AKAP19: variants seen among roughly 807,000 people sequenced by gnomAD.
AKAP19 encodes the protein small A-kinase anchoring protein.
At chr2:189,899,321 C>T in the AKAP19 span, among the ~76,000 whole-genome samples, 1 of 152,154 alleles carries the variant, frequency 6.6e-6, no homozygotes, top group African/African-American at 2.4e-5. Flanking sequence ...TGACTCTTAG[C>T]AGTTTGCAAA....
At chr2:189,980,123 C>G in the AKAP19 span, among the ~76,000 whole-genome samples, 1 of 152,106 alleles carries the variant, frequency 6.6e-6, no homozygotes, top group Non-Finnish European at 1.5e-5. Flanking sequence ...GTCTGTTTAT[C>G]ACAGCATTAT....
At chr2:190,174,053 C>T in the AKAP19 span, among the ~76,000 whole-genome samples, 282 of 152,250 alleles carry the variant, frequency 1.9e-3, 1 homozygote, top group Middle Eastern at 6.8e-3. Flanking sequence ...CCTGCCACTC[C>T]GGCTCCTACC....
the AKAP19 span, among the ~76,000 whole-genome samples, chr2:190,097,859 C>CAAAAAAA: frequency 9.0e-4 from 58 of 64,312 alleles, no homozygotes; most frequent in Admixed American, 1.3e-3. Context: ...TGGTTTCTAC[C>CAAAAAAA]AAAAAAAAAA....
the AKAP19 span, chr2:190,200,428 A>C: frequency 3.4e-6 from 1 of 298,496 alleles, no homozygotes; most frequent in Non-Finnish European, 6.7e-6. Context: ...CTTCCTAAGT[A>C]ATGGCATCAC....
the AKAP19 span, among the ~76,000 whole-genome samples, chr2:189,931,339 G>T: frequency 6.6e-6 from 1 of 152,076 alleles, no homozygotes; most frequent in South Asian, 2.1e-4. Context: ...TAGAAAACAG[G>T]AAATTAACTT....
At chr2:189,917,217 T>C in the AKAP19 span, 1 of 984,544 alleles carries the variant, frequency 1.0e-6, no homozygotes, top group Non-Finnish European at 1.5e-6. Flanking sequence ...GTGATCAAAA[T>C]ACTTAACTGT....
chr2:189,942,000 A>T, the AKAP19 span, among the ~76,000 whole-genome samples: 1 of 152,222 alleles, frequency 6.6e-6, no homozygotes, highest in African/African-American at 2.4e-5. Flanking sequence ...AAACCAAAAA[A>T]GAGCAGGGGG....
the AKAP19 span, among the ~76,000 whole-genome samples, chr2:190,001,005 C>G: frequency 2.0e-5 from 3 of 152,030 alleles, no homozygotes; most frequent in Non-Finnish European, 4.4e-5. Context: ...ATTCATTTTT[C>G]TTCAATCCTT....
the AKAP19 span, among the ~76,000 whole-genome samples, chr2:190,197,946 A>G: frequency 2.0e-5 from 3 of 152,178 alleles, no homozygotes; most frequent in Non-Finnish European, 4.4e-5. The surrounding 1 kb of genome is among the most constrained non-coding windows in gnomAD (Gnocchi z 4.0). Context: ...ACCATGTCCA[A>G]TTCCCTTAAC....
chr2:189,930,602 G>T, the AKAP19 span: 1 of 272,720 alleles, frequency 3.7e-6, no homozygotes, highest in East Asian at 9.7e-5. Flanking sequence ...CTTGAACCTG[G>T]GAGGCAGAGG....
chr2:190,076,868 C>T, the AKAP19 span, among the ~76,000 whole-genome samples: 6 of 152,004 alleles, frequency 3.9e-5, no homozygotes, highest in Admixed American at 2.0e-4. Context: ...ATTTTTCTCC[C>T]CTCATCATTT....
the AKAP19 span, among the ~76,000 whole-genome samples, chr2:190,136,158 G>A: frequency 6.6e-6 from 1 of 152,208 alleles, no homozygotes; most frequent in Non-Finnish European, 1.5e-5. Context: ...GAATTTTGAG[G>A]AAGGGATAGA....
the AKAP19 span, among the ~76,000 whole-genome samples, chr2:190,170,693 C>CT: frequency 4.6e-5 from 7 of 151,868 alleles, no homozygotes; most frequent in African/African-American, 1.5e-4. Context: ...TCCTATGAAG[C>CT]TTTTTTTTAA....
the AKAP19 span, among the ~76,000 whole-genome samples, chr2:190,002,752 T>C: frequency 6.6e-6 from 1 of 152,168 alleles, no homozygotes; most frequent in African/African-American, 2.4e-5. Context: ...GTCTATTTTT[T>C]CCTTCTGTCT....
chr2:189,960,718 C>G, the AKAP19 span, among the ~76,000 whole-genome samples: 2 of 152,012 alleles, frequency 1.3e-5, no homozygotes, highest in African/African-American at 4.8e-5. Context: ...ATGCAGCCTG[C>G]TTTCTTTCTC....
the AKAP19 span, among the ~76,000 whole-genome samples, chr2:190,036,468 A>G: frequency 6.6e-6 from 1 of 152,170 alleles, no homozygotes; most frequent in Non-Finnish European, 1.5e-5. Flanking sequence ...GTTAAAATAG[A>G]TTCTTTTTAA....
chr2:190,200,483 T>TAAACTGCCCCAAATTCC, the AKAP19 span: 1 of 210,036 alleles, frequency 4.8e-6, no homozygotes. Context: ...ATTCCAATGG[T>TAAACTGCCCCAAATTCC]TGAAGTTTAT....
chr2:190,042,621 A>G, the AKAP19 span, among the ~76,000 whole-genome samples: 1 of 151,664 alleles, frequency 6.6e-6, no homozygotes, highest in Non-Finnish European at 1.5e-5. Flanking sequence ...TTAATTTGAG[A>G]CCTTTCTTAC....
the AKAP19 span, among the ~76,000 whole-genome samples, chr2:190,126,701 T>C: frequency 4.0e-5 from 6 of 151,612 alleles, no homozygotes; most frequent in African/African-American, 1.5e-4. Context: ...TAAGAAAACA[T>C]AAAGCAAATA....
Sources: allele counts gnomAD v4.1 joint callset (sites outside exome capture counted in the v4.1 genomes callset), GRCh38; gene constraint gnomAD v4.1.1; non-coding constraint Gnocchi (gnomAD v3.1); transcripts MANE v1.5; gene names NCBI Gene and HGNC (gene_info 2026-07-23, HGNC 2026-07-21).